CROCC: variants seen among roughly 807,000 people sequenced by gnomAD.
CROCC encodes ciliary rootlet coiled-coil, rootletin.
A neutral mutation model predicts 245.2 loss-of-function variants in CROCC; 180 were observed. The observed-to-expected ratio is 0.73, with a 90% CI of 0.65 to 0.83. The LOEUF (loss-of-function observed/expected upper bound fraction) is 0.83. Ranked by LOEUF, CROCC falls within the 40% of genes least tolerant of loss-of-function variation. The pLI is 0.00. For synonymous variants in CROCC, 1,205 were observed against 1,241.6 expected (o/e 0.97, Z 0.62); for missense variants, 2,688 against 2,779.4 (o/e 0.97, Z 0.74).
chr1:16,955,957 C>T (rs1339440436), intron 24 of CROCC, 40 bp from the exon 25 acceptor site: 71 of 1,548,080 alleles, frequency 4.6e-5, no homozygotes, highest in Non-Finnish European at 6.2e-5. Context: ...ACTGACTACT[C>T]CCAGGACCCA....
At chr1:16,923,383 G>A (rs573584937) in intron 2 of CROCC, among the ~76,000 whole-genome samples, 184 of 152,348 alleles carry the variant, frequency 1.2e-3, no homozygotes, top group African/African-American at 3.4e-3. Flanking sequence ...CCTTGGGAGC[G>A]CCAGGGATGT....
intron 20 of CROCC, 35 bp downstream of exon 20, chr1:16,951,157 G>A: frequency 2.1e-6 from 3 of 1,431,884 alleles, no homozygotes; most frequent in Non-Finnish European, 2.8e-6. Flanking sequence ...GCAGGACTCT[G>A]AGCCAGTGTT....
In CROCC at chr1:16,970,425, G is replaced by C; in HGVS notation, c.5624G>C (p.Arg1875Pro). 6.2e-7 allele frequency: 1 copy of C among 1,600,162 alleles called. No homozygotes were observed. Among genetic ancestry groups the C allele is most frequent in the South Asian group, 1.1e-5 (1 of 89,480 alleles). ...ERSALRLEKD[R>P]VALRRTLDKV... ...TCAGCCCTGCGGCTGGAGAAGGACCGTGTAGCCCTCAGGAGGACGCTGGAC... is the reference window on the plus strand; with the variant it reads ...TCAGCCCTGCGGCTGGAGAAGGACCCTGTAGCCCTCAGGAGGACGCTGGAC... Residue 1875 changes from arginine (R) to proline (P), a missense_variant, in exon 34 of 37, where the codon CGT (arginine) becomes CCT (proline). This residue lies in a region of CROCC where 1,218 missense variants were observed against 1,286.3 expected (regional missense o/e 0.95). Transcript: ENST00000375541.
At position 16,945,494 on chromosome 1, in the gene CROCC, G is replaced by A. The variant is rs147139590; in HGVS notation, c.2024G>A (p.Arg675His). The A allele has an allele frequency of 0.038, 61,035 of 1,585,528 alleles. No homozygotes were observed. Among genetic ancestry groups the A allele is most frequent in the Middle Eastern group, 0.055 (239 of 4,376 alleles). The change falls in exon 15 of 37, where the codon CGC becomes CAC. Residue 675 changes from arginine (R) to histidine (H), a missense_variant. Transcript: ENST00000375541. ...CAACTAGAGCAGCTGGAAGGGAAGC[G>A]CTCAGTCCTGGCCAAGGAGCTGGTG... ...HRQLEQLEGKRSVLAKELVEV... is the reference protein window; with the variant it reads ...HRQLEQLEGKHSVLAKELVEV...
At chr1:16,939,221 C>CG (rs1368260287) in intron 12 of CROCC, 79 bp downstream of exon 12, 79 of 561,572 alleles carry the variant, frequency 1.4e-4, no homozygotes, top group African/African-American at 1.3e-3. Context: ...GGGGCGGGGG[C>CG]GGGGGCAGGT....
intron 20 of CROCC, among the ~76,000 whole-genome samples, chr1:16,952,483 T>TAA (rs71006404): frequency 7.4e-6 from 1 of 135,754 alleles, no homozygotes; most frequent in Non-Finnish European, 1.6e-5. Context: ...AGACTCCGTC[T>TAA]AAAAAAAAAA....
intron 31 of CROCC, chr1:16,968,911 G>A: frequency 1.5e-6 from 1 of 659,608 alleles, no homozygotes; most frequent in South Asian, 1.7e-5. Context: ...CTGGGCACTA[G>A]TAGTTAGCCA....
intron 28 of CROCC, 49 bp downstream of exon 28, chr1:16,965,941 G>A (rs1380853615): frequency 6.2e-7 from 1 of 1,603,938 alleles, no homozygotes; most frequent in Non-Finnish European, 8.5e-7. Context: ...GGGCCCTGGG[G>A]AGGTTGCAGG....
In CROCC at chr1:16,968,277, C is replaced by T. The variant is rs573810663; in HGVS notation, c.4935C>T (p.Asp1645=). The change falls in exon 31 of 37, where the codon GAC becomes GAT. Residue 1645 remains aspartate, a synonymous_variant. Coordinates refer to ENST00000375541, the MANE Select transcript of CROCC (RefSeq NM_014675.5). ...AGCGGCGCCTGAAGGAGGTTCTGGA[C>T]GCCTCCGAGAGCCGCACTGTCAAGC... ...GDKRRLKEVL[D]ASESRTVKLE... The T allele has an allele frequency of 2.6e-4, 406 of 1,559,550 alleles. No individual in the cohort carries two copies. The highest frequency in any genetic ancestry group is 3.2e-4 in the Non-Finnish European group (373 of 1,153,042).
Position 16,954,955 on chromosome 1 carries a change from C to T in CROCC, c.3465+78C>T, listed in dbSNP as rs1345861601. ...CCTGGGGGCCTAGTTCCCCAGGGCC[C>T]CAGAAGAGTGTAAGATTCCTCCCTG... On this transcript the variant is annotated intron_variant, in intron 23 of 36. Transcript: ENST00000375541. This position sits in a 1 kb window ranked among gnomAD's most constrained non-coding sequence, Gnocchi z 4.4. 4.9e-6 allele frequency: 7 copies of T among 1,429,428 alleles called. No individual in the cohort carries two copies. Among genetic ancestry groups the T allele is most frequent in the Non-Finnish European group, 6.5e-6 (7 of 1,082,556 alleles). The allele number at this position is 1,429,428 out of a possible 1,614,324, so 88.5% of individuals were successfully genotyped here.
rs150645566 is a variant in CROCC, at chr1:16,930,517, C to G, written c.772C>G (p.Arg258Gly). ...CAACCAGGCTCTGAGTGAGGACATA[C>G]GAAAGGTGACCAATGACTGGACACG... The part of the protein sequence containing the change: ...SANQALSEDI[R>G]KVTNDWTRCR... Residue 258 changes from arginine (R) to glycine (G), a missense_variant, in exon 7 of 37, where the codon CGA (arginine) becomes GGA (glycine). Coordinates refer to ENST00000375541, the MANE Select transcript of CROCC (RefSeq NM_014675.5). 1.5e-5 allele frequency: 24 copies of G among 1,612,390 alleles called. No homozygotes were observed. Among genetic ancestry groups the G allele is most frequent in the South Asian group, 7.7e-5 (7 of 90,962 alleles).
Position 16,930,292 on chromosome 1 carries a change from G to C in CROCC, c.628G>C (p.Glu210Gln), listed in dbSNP as rs1470144315. 3 of 1,604,996 alleles carry C rather than the reference G, an allele frequency of 1.9e-6. No homozygotes were observed. The highest frequency in any genetic ancestry group is 2.2e-5 in the East Asian group (1 of 44,690). Residue 210 changes from glutamate to glutamine, a missense_variant, in exon 6 of 37, where the codon GAG (glutamate) becomes CAG (glutamine). By Grantham distance (29) the Glu-to-Gln change is conservative (BLOSUM62 2). Coordinates refer to ENST00000375541, the MANE Select transcript of CROCC (RefSeq NM_014675.5). ...TAACCTCTCTCCCACCCAGGACACA[G>C]AGCACAGCCAAGACCTGGAAAGCGC... ...ELEQQRLRDT[E>Q]HSQDLESALI...
chr1:16,918,918 G>A (rs1035083105), upstream of CROCC, among the ~76,000 whole-genome samples: 3 of 152,230 alleles, frequency 2.0e-5, no homozygotes, highest in Non-Finnish European at 4.4e-5. Flanking sequence ...TGTATTTTTA[G>A]TAGAGACGGG....
intron 1 of CROCC, 77 bp downstream of exon 1, chr1:16,922,155 C>T (rs373018626): frequency 1.5e-4 from 207 of 1,354,146 alleles, no homozygotes; most frequent in East Asian, 9.3e-4. Flanking sequence ...GAGGTGTGTG[C>T]GTCTTGGGGA....
intron 2 of CROCC, among the ~76,000 whole-genome samples, chr1:16,924,033 A>T (rs1192218455): frequency 6.6e-6 from 1 of 152,274 alleles, no homozygotes; most frequent in Non-Finnish European, 1.5e-5. Flanking sequence ...CTAATTGGAA[A>T]AGGAGGGAGC....
At chr1:16,941,731 CAAAA>C (rs35924979) in intron 13 of CROCC, among the ~76,000 whole-genome samples, 5 of 132,406 alleles carry the variant, frequency 3.8e-5, no homozygotes, top group Admixed American at 1.5e-4. Flanking sequence ...GACTCCGTCT[CAAAA>C]AAAAAAAAAA....
intron 20 of CROCC, among the ~76,000 whole-genome samples, chr1:16,952,392 G>C (rs2076177057): frequency 6.6e-6 from 1 of 151,920 alleles, no homozygotes; most frequent in Non-Finnish European, 1.5e-5. Flanking sequence ...GGGTAAGGCA[G>C]AAGAATCGCT....
chr1:16,941,980 G>A (rs1254223276), intron 13 of CROCC, among the ~76,000 whole-genome samples: 1 of 152,210 alleles, frequency 6.6e-6, no homozygotes, highest in Non-Finnish European at 1.5e-5. Context: ...GGGATTAGAG[G>A]CATAAGCCAC....
At chr1:16,914,192 G>A (rs1314068401) in intron 1 of CROCC, among the ~76,000 whole-genome samples, 2 of 151,740 alleles carry the variant, frequency 1.3e-5, no homozygotes, top group African/African-American at 4.8e-5. Flanking sequence ...CGCTCCCGGC[G>A]GAGGAGGCCG....
Sources: allele counts gnomAD v4.1 joint callset (sites outside exome capture counted in the v4.1 genomes callset), GRCh38; gene constraint gnomAD v4.1.1; regional missense constraint gnomAD v4.1.1; non-coding constraint Gnocchi (gnomAD v3.1); transcripts MANE v1.5; gene names NCBI Gene and HGNC (gene_info 2026-07-23, HGNC 2026-07-21).